Variants in NFIB observed in about 807,000 individuals in gnomAD.
NFIB encodes the protein nuclear factor I B, also known as nuclear factor 1 B-type.
In NFIB, 11 loss-of-function variants were observed where a neutral mutation model predicts 61.5. The ratio of observed to expected loss-of-function variants is 0.18; its 90% CI spans 0.11 to 0.30. NFIB has a LOEUF of 0.30. Ranked by LOEUF, NFIB falls within the 10% of genes least tolerant of loss-of-function variation. NFIB has a pLI of 1.00. For missense variants in NFIB, 471 were observed against 608.9 expected, an observed-to-expected ratio of 0.77 and a Z score of 2.38; for synonymous variants, 260 against 216.5, an observed-to-expected ratio of 1.20 and a Z score of -1.76.
rs1180471436 is a variant in NFIB, at chr9:14,313,153, C to A, written c.30+329G>T. ...TGAGAGGGGCTACGGGCACCCCGGG[C>A]GGGGATGCCGCACCACAACGGGCAC... On this transcript the variant is annotated intron_variant, in intron 1 of 10. Coordinates refer to ENST00000380953, the MANE Select transcript of NFIB (RefSeq NM_001190737.2). The surrounding 1 kb of genome is among the most constrained non-coding windows in gnomAD (Gnocchi z 4.5). Among the ~76,000 whole-genome samples, 2 of 152,190 alleles carry A rather than the reference C, an allele frequency of 1.3e-5. No homozygotes were observed. Among genetic ancestry groups the A allele is most frequent in the African/African-American group, 4.8e-5 (2 of 41,460 alleles).
At chr9:14,094,038 C>G (rs1435902592) in intron 10 of NFIB, among the ~76,000 whole-genome samples, 1 of 151,982 alleles carries the variant, frequency 6.6e-6, no homozygotes, top group East Asian at 1.9e-4. Flanking sequence ...CATTATTATC[C>G]TGATTTTACA....
rs1383853597 is a variant in NFIB, at chr9:14,307,988, G to A, written c.31-468C>T. 2.6e-5 allele frequency: 4 copies of A among 153,216 alleles called. No homozygotes were observed. The highest frequency in any genetic ancestry group is 1.9e-4 in the East Asian group (1 of 5,208). 9.5% of individuals were successfully genotyped at this position (153,216 alleles called of 1,614,324 possible). The stretch of plus-strand genomic sequence containing the variant: ...GTAGAGCTGTTCAGAAGGCAGGAGC[G>A]ATGCCACAGTTCATTTCTCTTCTCT... On this transcript the variant is annotated intron_variant, in intron 1 of 10. Coordinates refer to ENST00000380953, the MANE Select transcript of NFIB (RefSeq NM_001190737.2). This position sits in a 1 kb window ranked among gnomAD's most constrained non-coding sequence, Gnocchi z 5.3.
At chr9:14,145,363 G>C (rs1204445970) in intron 6 of NFIB, among the ~76,000 whole-genome samples, 2 of 152,120 alleles carry the variant, frequency 1.3e-5, no homozygotes, top group African/African-American at 4.8e-5. Flanking sequence ...AGGAGATTTA[G>C]ATGAGATTTA....
chr9:14,333,939 T>A (rs2060852221), intron 1 of NFIB, among the ~76,000 whole-genome samples: 1 of 152,216 alleles, frequency 6.6e-6, no homozygotes, highest in South Asian at 2.1e-4. Flanking sequence ...ACTGCCTGGT[T>A]TTGAACTTTA....
the NFIB span, among the ~76,000 whole-genome samples, chr9:14,427,228 T>C: frequency 6.6e-6 from 1 of 152,184 alleles, no homozygotes; most frequent in Non-Finnish European, 1.5e-5. Context: ...ATTCTTATAC[T>C]CTCTTTACTC....
chr9:14,495,445 A>ATTTTTTTTTTT, the NFIB span, among the ~76,000 whole-genome samples: 199 of 98,076 alleles, frequency 2.0e-3, 11 homozygotes, highest in African/African-American at 4.2e-3. Flanking sequence ...AGAGAAATGA[A>ATTTTTTTTTTT]CTTTTTTTTT....
intron 6 of NFIB, among the ~76,000 whole-genome samples, chr9:14,136,235 C>A (rs1472052987): frequency 6.6e-6 from 1 of 152,136 alleles, no homozygotes; most frequent in Non-Finnish European, 1.5e-5. Context: ...AACAGACAGA[C>A]AATGATAAAG....
At chr9:14,187,025 G>A (rs113389026) in intron 2 of NFIB, among the ~76,000 whole-genome samples, 296 of 14,850 alleles carry the variant, frequency 0.02, 1 homozygote, top group Non-Finnish European at 0.044. Flanking sequence ...GTGTGTGTGT[G>A]TATGTGTGTG....
chr9:14,382,241 G>T, intron 1 of NFIB, among the ~76,000 whole-genome samples: 1 of 152,162 alleles, frequency 6.6e-6, no homozygotes, highest in South Asian at 2.1e-4. Context: ...GCAAAGAAGA[G>T]GCTTCTTGAC....
At chr9:14,525,506 T>G in the NFIB span, among the ~76,000 whole-genome samples, 1 of 152,278 alleles carries the variant, frequency 6.6e-6, no homozygotes, top group South Asian at 2.1e-4. Context: ...CTGAAGGAGA[T>G]GATTTATATA....
intron 2 of NFIB, among the ~76,000 whole-genome samples, chr9:14,218,362 A>G (rs564804859): frequency 6.6e-6 from 1 of 152,280 alleles, no homozygotes; most frequent in Non-Finnish European, 1.5e-5. Context: ...GCCTTCCTGA[A>G]CTAAGTGTTT....
chr9:14,161,536 C>T (rs2044204646), intron 3 of NFIB, among the ~76,000 whole-genome samples: 1 of 151,318 alleles, frequency 6.6e-6, no homozygotes. Flanking sequence ...AAATCAATAT[C>T]AAATTTAAAT....
rs926605049 is a variant in NFIB at position 14,313,849 on chromosome 9, AGTT to A, written c.-341_-339del. 3.8e-4 allele frequency: 457 copies of A among 1,214,352 alleles called. No individual in the cohort carries two copies. The highest frequency in any genetic ancestry group is 1.4e-3 in the South Asian group (65 of 47,156). The allele number at this position is 1,214,352 out of a possible 1,614,324, so 75.2% of individuals were successfully genotyped here. A position where few individuals can be genotyped will look rare whatever the true frequency, so the allele number is the denominator to read the frequency against. On this transcript the variant is annotated 5_prime_UTR_variant, in exon 1 of 11. Coordinates refer to ENST00000380953, the MANE Select transcript of NFIB (RefSeq NM_001190737.2). This position sits in a 1 kb window ranked among gnomAD's most constrained non-coding sequence, Gnocchi z 4.5. The stretch of plus-strand genomic sequence containing the variant: ...TTTGGGGATTTGTTTTCTATTTTGC[AGTT>A]GTTGTTGTTGTTGGGGTGTAGGGGG...
At chr9:14,134,889 C>T (rs1333095532) in intron 6 of NFIB, among the ~76,000 whole-genome samples, 1 of 79,510 alleles carries the variant, frequency 1.3e-5, no homozygotes, top group African/African-American at 4.9e-5. Context: ...CAGGGCGAGA[C>T]TCTGTCTCAA....
chr9:14,441,235 A>G, the NFIB span, among the ~76,000 whole-genome samples: 3 of 152,030 alleles, frequency 2.0e-5, no homozygotes, highest in African/African-American at 7.2e-5. Flanking sequence ...CAAGCTAAAT[A>G]GCTACGACAT....
the NFIB span, among the ~76,000 whole-genome samples, chr9:14,416,778 A>G: frequency 6.6e-6 from 1 of 152,074 alleles, no homozygotes; most frequent in Non-Finnish European, 1.5e-5. Context: ...AGTGTACAGT[A>G]AAGTCCTAGG....
At chr9:14,289,081 C>CGTGT (rs58218572) in intron 2 of NFIB, among the ~76,000 whole-genome samples, 107,772 of 142,328 alleles carry the variant, frequency 0.76, 41,764 homozygotes, top group South Asian at 0.84. Flanking sequence ...TTTTCCAAAG[C>CGTGT]GTGTGTGTGT....
At chr9:14,144,882 A>G (rs1379990604) in intron 6 of NFIB, among the ~76,000 whole-genome samples, 3 of 152,182 alleles carry the variant, frequency 2.0e-5, no homozygotes, top group African/African-American at 7.2e-5. Context: ...CGCAACTTCA[A>G]GTAAAGCAGT....
At position 14,085,049 on chromosome 9, in the gene NFIB, G is replaced by A. The variant is rs1433533015; in HGVS notation, c.*3260C>T. 2 of 227,810 alleles carry A rather than the reference G, an allele frequency of 8.8e-6. No homozygotes were observed. Among genetic ancestry groups the A allele is most frequent in the Non-Finnish European group, 1.7e-5 (2 of 114,460 alleles). 14.1% of individuals were successfully genotyped at this position (227,810 alleles called of 1,614,324 possible). ...TTCACCTAATAGGTCAAAGATACAT[G>A]AAGAGCTTGGCTGAGATGATCTGTT... On this transcript the variant is annotated 3_prime_UTR_variant, in exon 11 of 11. Transcript: ENST00000380953.
Sources: allele counts gnomAD v4.1 joint callset (sites outside exome capture counted in the v4.1 genomes callset), GRCh38; gene constraint gnomAD v4.1.1; non-coding constraint Gnocchi (gnomAD v3.1); transcripts MANE v1.5; gene names NCBI Gene and HGNC (gene_info 2026-07-23, HGNC 2026-07-21).